Variants in FOXP2 observed in about 807,000 individuals in gnomAD.
FOXP2 encodes the protein forkhead box protein P2.
In FOXP2, 12 loss-of-function variants were observed where a neutral mutation model predicts 115.8. The ratio of observed to expected loss-of-function variants is 0.10; its 90% CI spans 0.07 to 0.17. The LOEUF is 0.17. Ranked by LOEUF, FOXP2 falls within the 10% of genes least tolerant of loss-of-function variation. The probability of loss-of-function intolerance (pLI) is 1.00; values close to 1 mark genes in which losing one functional copy is unlikely to be tolerated. For synonymous variants in FOXP2, 328 were observed against 297.7 expected (o/e 1.10, Z -1.05); for missense variants, 629 against 843.5 (o/e 0.75, Z 3.15).
intron 3 of FOXP2, among the ~76,000 whole-genome samples, chr7:114,543,428 A>G (rs1799776094): frequency 6.6e-6 from 1 of 152,202 alleles, no homozygotes; most frequent in Non-Finnish European, 1.5e-5. Context: ...ACTTTCTTGT[A>G]TACTGTCCTT....
At chr7:114,685,193 G>T (rs1808298705) in intron 16 of FOXP2, among the ~76,000 whole-genome samples, 2 of 152,072 alleles carry the variant, frequency 1.3e-5, no homozygotes, top group Admixed American at 1.3e-4. Context: ...TTGCAAATTG[G>T]CTATGGAACA....
chr7:114,149,447 A>T (rs1191361304), intron 1 of FOXP2, among the ~76,000 whole-genome samples: 1 of 152,142 alleles, frequency 6.6e-6, no homozygotes, highest in Non-Finnish European at 1.5e-5. Context: ...ACAAACCAGA[A>T]TGACCTTGTG....
chr7:114,542,857 T>A (rs766429745), intron 3 of FOXP2, among the ~76,000 whole-genome samples: 3 of 151,760 alleles, frequency 2.0e-5, no homozygotes, highest in Admixed American at 1.3e-4. Context: ...GTGGCAAGAT[T>A]TCCTCTCACT....
chr7:114,194,031 G>GCTTT (rs34109422), intron 1 of FOXP2, among the ~76,000 whole-genome samples: 103,357 of 151,636 alleles, frequency 0.68, 40,037 homozygotes, highest in Non-Finnish European at 0.86. Context: ...GTAACCCTGT[G>GCTTT]CTTTGGAAAT....
chr7:114,655,045 T>C (rs1366178017), intron 10 of FOXP2, among the ~76,000 whole-genome samples: 3 of 152,148 alleles, frequency 2.0e-5, no homozygotes, highest in Non-Finnish European at 4.4e-5. Context: ...AAAACATTTT[T>C]ATAGGAAGAA....
intron 1 of FOXP2, among the ~76,000 whole-genome samples, chr7:114,110,561 T>C (rs1791242414): frequency 6.6e-6 from 1 of 152,150 alleles, no homozygotes; most frequent in Non-Finnish European, 1.5e-5. Context: ...TTTTCATACT[T>C]TTTGGCATCT....
chr7:114,518,141 G>C (rs766622705), intron 2 of FOXP2, among the ~76,000 whole-genome samples: 1 of 151,944 alleles, frequency 6.6e-6, no homozygotes, highest in African/African-American at 2.4e-5. Flanking sequence ...CCATGGAAAG[G>C]ACTTCTATTA....
intron 3 of FOXP2, among the ~76,000 whole-genome samples, chr7:114,608,611 A>T (rs895572058): frequency 3.9e-5 from 6 of 152,132 alleles, no homozygotes; most frequent in Non-Finnish European, 8.8e-5. Flanking sequence ...GGTTCTACTT[A>T]CTCTCAGGGA....
At chr7:114,234,511 T>C (rs1481254253) in intron 1 of FOXP2, among the ~76,000 whole-genome samples, 1 of 152,244 alleles carries the variant, frequency 6.6e-6, no homozygotes, top group African/African-American at 2.4e-5. Context: ...TTCTGTAAAC[T>C]GCAAATCAAT....
chr7:114,499,828 T>C (rs899416811), intron 2 of FOXP2: 3 of 152,200 alleles, frequency 2.0e-5, no homozygotes, highest in Non-Finnish European at 4.4e-5. Flanking sequence ...TTAAAACTTA[T>C]GTGCCTATAG....
intron 2 of FOXP2, among the ~76,000 whole-genome samples, chr7:114,446,224 C>A (rs1794830890): frequency 6.6e-6 from 1 of 151,924 alleles, no homozygotes; most frequent in African/African-American, 2.4e-5. Flanking sequence ...CCCTGCAAAG[C>A]AAGTTTAGGA....
At chr7:114,535,591 T>TA (rs1799348924) in intron 3 of FOXP2, among the ~76,000 whole-genome samples, 1 of 151,686 alleles carries the variant, frequency 6.6e-6, no homozygotes, top group Non-Finnish European at 1.5e-5. Flanking sequence ...CAGGTGTACT[T>TA]ACAGATGTTA....
chr7:114,243,244 G>T, intron 1 of FOXP2, among the ~76,000 whole-genome samples: 1 of 133,536 alleles, frequency 7.5e-6, no homozygotes. Flanking sequence ...GAAAATAAAT[G>T]TTCTTAGCCA....
At chr7:114,439,544 C>CTTATTTAT (rs547497847) in intron 2 of FOXP2, among the ~76,000 whole-genome samples, 10 of 151,764 alleles carry the variant, frequency 6.6e-5, no homozygotes, top group Middle Eastern at 3.4e-3. Flanking sequence ...TGTAAATTAT[C>CTTATTTAT]TTATTTATTT....
At chr7:114,124,744 C>T (rs770037404) in intron 1 of FOXP2, among the ~76,000 whole-genome samples, 3 of 151,910 alleles carry the variant, frequency 2.0e-5, no homozygotes, top group Non-Finnish European at 4.4e-5. Context: ...CCTCTCACCT[C>T]TGCCACCACC....
chr7:114,088,492 GAAGTA>G (rs774619810), intron 1 of FOXP2, among the ~76,000 whole-genome samples: 49 of 152,228 alleles, frequency 3.2e-4, no homozygotes, highest in Non-Finnish European at 6.8e-4. Flanking sequence ...TTTCCAACTG[GAAGTA>G]CTGGGAGAGA....
At chr7:114,279,914 T>C (rs886868745) in intron 1 of FOXP2, among the ~76,000 whole-genome samples, 18 of 152,034 alleles carry the variant, frequency 1.2e-4, no homozygotes, top group Non-Finnish European at 2.2e-4. Flanking sequence ...TGATGCATTT[T>C]TTTAAGGCTT....
chr7:114,170,504 A>G (rs1473205284), intron 1 of FOXP2, among the ~76,000 whole-genome samples: 1 of 152,232 alleles, frequency 6.6e-6, no homozygotes, highest in African/African-American at 2.4e-5. Flanking sequence ...GCCGAAAGTT[A>G]GGCCTCTTAT....
At chr7:114,537,802 A>C (rs955701999) in intron 3 of FOXP2, among the ~76,000 whole-genome samples, 7 of 151,632 alleles carry the variant, frequency 4.6e-5, no homozygotes, top group African/African-American at 1.7e-4. Context: ...CATTACATGA[A>C]ACACCAATTG....
Sources: gnomAD v4.1 joint callset for allele counts (sites outside exome capture counted in the v4.1 genomes callset) on GRCh38, gnomAD v4.1.1 for gene constraint, MANE v1.5 for transcripts, NCBI Gene and HGNC (gene_info 2026-07-23, HGNC 2026-07-21) for gene names.